Variants in ARHGEF17 observed in about 807,000 individuals in gnomAD.
The protein encoded by ARHGEF17 is Rho guanine nucleotide exchange factor 17.
Under a neutral mutation model 174.0 loss-of-function variants are expected in ARHGEF17, and 80 were observed. The observed-to-expected ratio is 0.46, with a 90% CI of 0.38 to 0.55. ARHGEF17 has a LOEUF of 0.55. Ranked by LOEUF, ARHGEF17 falls within the 20% of genes least tolerant of loss-of-function variation. The pLI, the probability that ARHGEF17 is intolerant of heterozygous loss-of-function variation, is 0.00. For missense variants in ARHGEF17, 2,886 were observed against 2,839.7 expected, an observed-to-expected ratio of 1.02 and a Z score of -0.37; for synonymous variants, 1,311 against 1,189.1, an observed-to-expected ratio of 1.10 and a Z score of -2.11.
At position 73,314,325 on chromosome 11, in the gene ARHGEF17, G is replaced by GC. The variant is rs1239080516; in HGVS notation, c.3192+2501dup. On this transcript the variant is annotated intron_variant, in intron 1 of 20. Coordinates refer to ENST00000263674, the MANE Select transcript of ARHGEF17 (RefSeq NM_014786.4). Reference sequence around the variant, plus strand: ...GGCAGTCCCTGGGGACTAAGGGGATGCCCCCCGCCCCCCAGGCTGTAGGGA... The same window carrying GC: ...GGCAGTCCCTGGGGACTAAGGGGATGCCCCCCCGCCCCCCAGGCTGTAGGGA... Among the ~76,000 whole-genome samples the GC allele has an allele frequency of 3.9e-5, 6 of 152,332 alleles. No individual in the cohort carries two copies. In the South Asian group the frequency reaches 8.3e-4, roughly 21 times the overall value.
chr11:73,351,588 A>G (rs1312506553), intron 2 of ARHGEF17, among the ~76,000 whole-genome samples: 2 of 151,864 alleles, frequency 1.3e-5, no homozygotes, highest in Admixed American at 6.6e-5. Flanking sequence ...CTATCTTCAC[A>G]CCATTATCGC....
At position 73,361,934 on chromosome 11, in the gene ARHGEF17, C is replaced by T. The variant is rs542197927; in HGVS notation, c.4495-106C>T. On this transcript the variant is annotated intron_variant, in intron 12 of 20. Coordinates refer to ENST00000263674, the MANE Select transcript of ARHGEF17 (RefSeq NM_014786.4). Reference sequence around the variant, plus strand: ...GTATAGGGCATCCACACACACACACCCATGCAGGCCTGCCTCCCTCCATTC... The same window carrying T: ...GTATAGGGCATCCACACACACACACTCATGCAGGCCTGCCTCCCTCCATTC... The T allele has an allele frequency of 7.4e-3, 9,606 of 1,303,508 alleles. 109 individuals carry two copies. Among genetic ancestry groups the T allele is most frequent in the Middle Eastern group, 0.036 (190 of 5,244 alleles). 80.7% of individuals were successfully genotyped at this position (1,303,508 alleles called of 1,614,324 possible). A position where few individuals can be genotyped will look rare whatever the true frequency, so the allele number is the denominator to read the frequency against.
At position 73,355,948 on chromosome 11, in the gene ARHGEF17, G is replaced by T; in HGVS notation, c.3658G>T (p.Val1220Leu). The change falls in exon 5 of 21, where the codon GTG becomes TTG. Residue 1220 changes from valine to leucine, a missense_variant. Transcript: ENST00000263674. ...VQRIPRYELL[V>L]KDLLKHTPED... ...GCGGATCCCACGCTACGAGCTTCTG[G>T]TGAAGGTGGGCATGGACCTGGGTGG... is the stretch of plus-strand genomic sequence containing the variant. The T allele has an allele frequency of 6.2e-7, 1 of 1,614,182 alleles. No homozygotes were observed. The highest frequency in any genetic ancestry group is 8.5e-7 in the Non-Finnish European group (1 of 1,180,036).
intron 1 of ARHGEF17, among the ~76,000 whole-genome samples, chr11:73,338,990 A>G (rs2134405765): frequency 6.6e-6 from 1 of 152,248 alleles, no homozygotes; most frequent in African/African-American, 2.4e-5. Context: ...GTGGTGTGGC[A>G]ATTCTGAGAT....
chr11:73,310,912 C>T lies in ARHGEF17; in HGVS notation c.2274C>T (p.Asn758=), dbSNP rs1864816613. 1.2e-6 allele frequency: 2 copies of T among 1,613,708 alleles called. No homozygotes were observed. Among genetic ancestry groups the T allele is most frequent in the Non-Finnish European group, 1.7e-6 (2 of 1,179,812 alleles). ...CTACTGGGTTCTCTGTGGACAGCAACCTCCTGGGCTCACTGAGCCCCAAGA... is the reference window on the plus strand; with the variant it reads ...CTACTGGGTTCTCTGTGGACAGCAATCTCCTGGGCTCACTGAGCCCCAAGA... ...EEPTGFSVDS[N]LLGSLSPKTG... is the part of the protein sequence containing the mutation. The change falls in exon 1 of 21, where the codon AAC becomes AAT. Residue 758 remains asparagine, a synonymous_variant. Coordinates refer to ENST00000263674, the MANE Select transcript of ARHGEF17 (RefSeq NM_014786.4).
intron 1 of ARHGEF17, among the ~76,000 whole-genome samples, chr11:73,329,363 A>G (rs1487226922): frequency 6.7e-3 from 15 of 2,254 alleles, no homozygotes; most frequent in African/African-American, 0.019. Context: ...ATATATATAT[A>G]TATATATATA....
chr11:73,325,311 G>A (rs1179281070), intron 1 of ARHGEF17, among the ~76,000 whole-genome samples: 2 of 152,006 alleles, frequency 1.3e-5, no homozygotes, highest in African/African-American at 4.8e-5. Context: ...CAGTCATCAG[G>A]TCGCTTCCTG....
chr11:73,362,160 G>T lies in ARHGEF17; in HGVS notation c.4615G>T (p.Val1539Leu). ...GCTGAGCCTGCGCGCCGAGCCGGAC[G>T]TGGAGGCCTGCATCGCCGTCTGTTC... is the stretch of plus-strand genomic sequence containing the variant. Reference protein sequence around the residue: ...CLLSLRAEPDVEACIAVCSAR... With the variant: ...CLLSLRAEPDLEACIAVCSAR... The change falls in exon 13 of 21, where the codon GTG (valine) becomes TTG (leucine). Residue 1539 changes from valine to leucine, a missense_variant. Physicochemically the swap from Val to Leu is conservative, Grantham distance 32. This residue lies in a region of ARHGEF17 where 476 missense variants were observed against 473.1 expected (regional missense o/e 1.01). Coordinates refer to ENST00000263674, the MANE Select transcript of ARHGEF17 (RefSeq NM_014786.4). 1 of 1,602,462 alleles carries T rather than the reference G, an allele frequency of 6.2e-7. No homozygotes were observed. The highest frequency in any genetic ancestry group is 1.3e-5 in the African/African-American group (1 of 74,606).
At chr11:73,366,960 A>C (rs1865849765) in intron 20 of ARHGEF17, among the ~76,000 whole-genome samples, 1 of 152,186 alleles carries the variant, frequency 6.6e-6, no homozygotes, top group Non-Finnish European at 1.5e-5. Flanking sequence ...GAATCACTTG[A>C]ACCAGGGAGG....
intron 2 of ARHGEF17, 72 bp from the exon 3 acceptor site, chr11:73,352,758 C>T: frequency 1.3e-6 from 2 of 1,565,012 alleles, no homozygotes; most frequent in South Asian, 2.2e-5. Flanking sequence ...TGCACTCACA[C>T]AGGGGCCCTG....
At chr11:73,352,776 G>C in intron 2 of ARHGEF17, 54 bp from the exon 3 acceptor site, 1 of 1,597,082 alleles carries the variant, frequency 6.3e-7, no homozygotes, top group Non-Finnish European at 8.6e-7. Context: ...CTGTGTAGGT[G>C]TGGTGGGGGC....
At chr11:73,318,883 G>A (rs1482730627) in intron 1 of ARHGEF17, among the ~76,000 whole-genome samples, 1 of 152,152 alleles carries the variant, frequency 6.6e-6, no homozygotes, top group Non-Finnish European at 1.5e-5. Context: ...AGTCTGAAGG[G>A]TTTCACTGGG....
intron 1 of ARHGEF17, among the ~76,000 whole-genome samples, chr11:73,333,261 T>G (rs189553637): frequency 1.3e-5 from 2 of 152,298 alleles, no homozygotes; most frequent in Admixed American, 1.3e-4. Context: ...CAGAAAGACT[T>G]TCTGGCGGTG....
At chr11:73,359,077 C>T (rs1264908389) in intron 9 of ARHGEF17, among the ~76,000 whole-genome samples, 1 of 152,208 alleles carries the variant, frequency 6.6e-6, no homozygotes. Flanking sequence ...GTCTCTAGTG[C>T]TGTCATGACC....
rs1054977283 is a variant in ARHGEF17 at position 73,309,703 on chromosome 11, C to G, written c.1065C>G (p.Pro355=). Residue 355 remains proline, a synonymous_variant, in exon 1 of 21, where the codon CCC becomes CCG. Transcript: ENST00000263674. ...GSGSPPCVPG[P]QEGLRPMSDS... ...GCTCTCCGCCCTGCGTCCCAGGTCC[C>G]CAGGAGGGACTTCGGCCTATGTCTG... 7 of 1,613,006 alleles carry G rather than the reference C, an allele frequency of 4.3e-6. No individual in the cohort carries two copies. The highest frequency in any genetic ancestry group is 2.2e-5 in the East Asian group (1 of 44,882).
rs200595576 is a variant in ARHGEF17 at position 73,356,259 on chromosome 11, C to T, written c.3748C>T (p.Arg1250Cys). 47 of 1,613,838 alleles carry T rather than the reference C, an allele frequency of 2.9e-5. No homozygotes were observed. Among genetic ancestry groups the T allele is most frequent in the Admixed American group, 1.7e-4 (10 of 60,024 alleles). The change falls in exon 6 of 21, where the codon CGC (arginine) becomes TGC (cysteine). Residue 1250 changes from arginine (R) to cysteine (C), a missense_variant. This residue lies in a region of ARHGEF17 where 353 missense variants were observed against 470.3 expected (regional missense o/e 0.75). Transcript: ENST00000263674. Reference protein sequence around the residue: ...AQRNIKQVAERINKGVRSAEE... With the variant: ...AQRNIKQVAECINKGVRSAEE... ...GCGGAACATCAAGCAGGTGGCTGAG[C>T]GCATCAACAAGGGTGTGCGGAGTGC...
In ARHGEF17 at chr11:73,311,170, C is replaced by T; in HGVS notation, c.2532C>T (p.Gly844=). ...RGELAGPGFE[G]PGGEPIREVE... ...AGCTGGCTGGGCCTGGATTCGAGGG[C>T]CCTGGAGGGGAGCCCATCCGAGAAG... Residue 844 remains glycine (G), a synonymous_variant, in exon 1 of 21, where the codon GGC becomes GGT. Coordinates refer to ENST00000263674, the MANE Select transcript of ARHGEF17 (RefSeq NM_014786.4). 1 of 1,596,960 alleles carries T rather than the reference C, an allele frequency of 6.3e-7. No homozygotes were observed. The highest frequency in any genetic ancestry group is 8.6e-7 in the Non-Finnish European group (1 of 1,169,042).
At chr11:73,320,109 G>A (rs1412916329) in intron 1 of ARHGEF17, among the ~76,000 whole-genome samples, 1 of 152,016 alleles carries the variant, frequency 6.6e-6, no homozygotes, top group East Asian at 1.9e-4. Flanking sequence ...AGCTCCATGT[G>A]GGAATTGGTG....
Position 73,309,673 on chromosome 11 carries a change from T to A in ARHGEF17, c.1035T>A (p.Gly345=), listed in dbSNP as rs769002254. 4 of 1,612,874 alleles carry A rather than the reference T, an allele frequency of 2.5e-6. No homozygotes were observed. The highest frequency in any genetic ancestry group is 3.4e-6 in the Non-Finnish European group (4 of 1,179,968). Residue 345 remains glycine (G), a synonymous_variant, in exon 1 of 21, where the codon GGT becomes GGA. Transcript: ENST00000263674. The part of the protein sequence containing the change: ...APREEGLREW[G]SGSPPCVPGP... ...GAGAAGAAGGACTCCGGGAGTGGGGTAGTGGCTCTCCGCCCTGCGTCCCAG... is the reference window on the plus strand; with the variant it reads ...GAGAAGAAGGACTCCGGGAGTGGGGAAGTGGCTCTCCGCCCTGCGTCCCAG...
Sources: gnomAD v4.1 joint callset for allele counts (sites outside exome capture counted in the v4.1 genomes callset) on GRCh38, gnomAD v4.1.1 for gene constraint, gnomAD v4.1.1 regional missense constraint, MANE v1.5 for transcripts, NCBI Gene and HGNC (gene_info 2026-07-23, HGNC 2026-07-21) for gene names.